Variants in SLC14A2 observed in about 807,000 individuals in gnomAD.
The protein encoded by SLC14A2 is solute carrier family 14 member 2.
A neutral mutation model predicts 104.6 loss-of-function variants in SLC14A2; 91 were observed. The observed-to-expected ratio is 0.87, with a 90% CI of 0.73 to 1.04. The LOEUF is 1.04. SLC14A2 is among the 50% of genes least tolerant of loss of function. SLC14A2 has a pLI of 0.00. For synonymous variants in SLC14A2, 476 were observed against 466.4 expected (o/e 1.02, Z -0.27); for missense variants, 1,189 against 1,156.0 (o/e 1.03, Z -0.41).
intron 1 of SLC14A2, among the ~76,000 whole-genome samples, chr18:45,263,171 G>A (rs918191203): frequency 6.6e-5 from 10 of 152,022 alleles, no homozygotes; most frequent in South Asian, 4.1e-4. Context: ...GTGTTTCCTC[G>A]TCTTTCATGA....
intron 18 of SLC14A2, among the ~76,000 whole-genome samples, chr18:45,675,451 G>A (rs61523590): frequency 2.0e-5 from 3 of 151,674 alleles, no homozygotes; most frequent in Admixed American, 2.0e-4. Flanking sequence ...AGTGATGTAC[G>A]TATAGACCAA....
intron 1 of SLC14A2, among the ~76,000 whole-genome samples, chr18:45,291,957 T>G (rs1324957091): frequency 6.6e-6 from 1 of 152,148 alleles, no homozygotes; most frequent in Non-Finnish European, 1.5e-5. Context: ...ATGTGTGGTG[T>G]TTTTAAATCC....
chr18:45,291,177 T>C (rs2084865612), intron 1 of SLC14A2, among the ~76,000 whole-genome samples: 1 of 152,156 alleles, frequency 6.6e-6, no homozygotes, highest in Non-Finnish European at 1.5e-5. Context: ...TACTGATATA[T>C]AGTCATGTGT....
intron 1 of SLC14A2, among the ~76,000 whole-genome samples, chr18:45,389,484 TGC>T (rs1442511837): frequency 9.1e-4 from 138 of 152,290 alleles, no homozygotes; most frequent in Non-Finnish European, 1.7e-3. Flanking sequence ...TGACCATTCT[TGC>T]AGTATAAAAA....
chr18:45,461,643 TAGAC>T (rs1005302735), intron 1 of SLC14A2, among the ~76,000 whole-genome samples: 1 of 152,170 alleles, frequency 6.6e-6, no homozygotes. Context: ...GCCTCATATT[TAGAC>T]AGAGCCCATC....
intron 5 of SLC14A2, among the ~76,000 whole-genome samples, chr18:45,633,281 T>C (rs962163060): frequency 3.9e-5 from 6 of 152,240 alleles, no homozygotes; most frequent in African/African-American, 1.4e-4. Flanking sequence ...GAATTGTCTA[T>C]TATGTGACGT....
rs550237701 is a variant in SLC14A2 at position 45,444,976 on chromosome 18, G to A, written c.-124-38257G>A. ...TGACTGGTACCAAGTAATGTGCTTC[G>A]AAAATATTTGTTAAATGAATTAATG... On this transcript the variant is annotated intron_variant, in intron 1 of 20. Transcript: ENST00000586448. Among the ~76,000 whole-genome samples, 8 of 152,162 alleles carry A rather than the reference G, an allele frequency of 5.3e-5. No homozygotes were observed. The East Asian group carries it at 1.2e-3, about 22-fold the overall frequency.
At chr18:45,439,697 A>C (rs997018918) in intron 1 of SLC14A2, among the ~76,000 whole-genome samples, 1 of 152,200 alleles carries the variant, frequency 6.6e-6, no homozygotes, top group Non-Finnish European at 1.5e-5. Flanking sequence ...AGTTTTGCCC[A>C]CATTTGGTGG....
In SLC14A2 at chr18:45,352,474, C is replaced by T. The variant is rs181588299; in HGVS notation, c.-124-130759C>T. On this transcript the variant is annotated intron_variant, in intron 1 of 20. Coordinates refer to the SLC14A2 transcript ENST00000586448. ...TACCTTTATTTATTTATTTTCTCTTCTGTCTTCCCATTCTTCCTATTCTAT... is the reference window on the plus strand; with the variant it reads ...TACCTTTATTTATTTATTTTCTCTTTTGTCTTCCCATTCTTCCTATTCTAT... 2.1e-4 allele frequency among the ~76,000 whole-genome samples: 32 copies of T among 152,266 alleles called. 1 individual carries two copies. The East Asian group carries it at 6.0e-3, about 28-fold the overall frequency.
rs141843144 is a variant in SLC14A2, at chr18:45,346,155, G to A, written c.-125+132964G>A. The stretch of plus-strand genomic sequence containing the variant: ...AATGTTTTGTCTCCTTTTCTACTGG[G>A]TTCTCCTTTTTTTTCCCCTTGAGTT... On this transcript the variant is annotated intron_variant, in intron 1 of 20. Coordinates refer to the SLC14A2 transcript ENST00000586448. Among the ~76,000 whole-genome samples the A allele has an allele frequency of 1.5e-3, 235 of 152,114 alleles. 2 individuals carry two copies. The highest frequency in any genetic ancestry group is 3.3e-3 in the Admixed American group (50 of 15,262).
chr18:45,320,483 A>G (rs922266481), intron 1 of SLC14A2, among the ~76,000 whole-genome samples: 3 of 152,194 alleles, frequency 2.0e-5, no homozygotes, highest in Non-Finnish European at 2.9e-5. Context: ...AATTTCCCAC[A>G]GTCATGATGG....
chr18:45,277,568 C>G (rs1004150949), intron 1 of SLC14A2, among the ~76,000 whole-genome samples: 1 of 152,064 alleles, frequency 6.6e-6, no homozygotes, highest in Non-Finnish European at 1.5e-5. Context: ...GCCACCACAC[C>G]CAGCTAATAT....
chr18:45,175,210 G>A, the SLC14A2 span, among the ~76,000 whole-genome samples: 1 of 152,016 alleles, frequency 6.6e-6, no homozygotes, highest in Non-Finnish European at 1.5e-5. Context: ...GCAAAGGACT[G>A]GAAACACACC....
chr18:45,673,841 TG>T (rs772449786), intron 18 of SLC14A2, 24 bp downstream of exon 18: 2 of 1,603,746 alleles, frequency 1.2e-6, no homozygotes, highest in Non-Finnish European at 1.7e-6. Flanking sequence ...ACAGAGGATT[TG>T]TTTCCTTTAT....
At chr18:45,213,550 G>A (rs1391501643) in intron 1 of SLC14A2, among the ~76,000 whole-genome samples, 2 of 152,064 alleles carry the variant, frequency 1.3e-5, no homozygotes, top group East Asian at 1.9e-4. Flanking sequence ...GAAAATGCAG[G>A]CCATTATGGC....
chr18:45,634,823 A>G (rs1479432880), intron 5 of SLC14A2: 1 of 457,304 alleles, frequency 2.2e-6, no homozygotes, highest in Admixed American at 2.3e-5. Context: ...TGTTTGCAGG[A>G]TGGAGACGGA....
At chr18:45,569,838 G>T (rs1177733591) in intron 2 of SLC14A2, among the ~76,000 whole-genome samples, 1 of 152,160 alleles carries the variant, frequency 6.6e-6, no homozygotes. Flanking sequence ...CGACCAACCA[G>T]CTGTGTGACC....
chr18:45,186,843 A>G, the SLC14A2 span, among the ~76,000 whole-genome samples: 1 of 152,136 alleles, frequency 6.6e-6, no homozygotes, highest in Non-Finnish European at 1.5e-5. Flanking sequence ...AGAGCCCCCA[A>G]ATTTCTATGA....
the SLC14A2 span, among the ~76,000 whole-genome samples, chr18:45,197,786 G>A: frequency 6.6e-6 from 1 of 152,174 alleles, no homozygotes; most frequent in Admixed American, 6.5e-5. Flanking sequence ...ATTCCGCAGT[G>A]ATCTGTTTGG....
Sources: gnomAD v4.1 joint callset for allele counts (sites outside exome capture counted in the v4.1 genomes callset) on GRCh38, gnomAD v4.1.1 for gene constraint, MANE v1.5 for transcripts, NCBI Gene and HGNC (gene_info 2026-07-23, HGNC 2026-07-21) for gene names.